Variants in RBFOX1 observed in about 807,000 individuals in gnomAD.
The protein encoded by RBFOX1 is RNA binding protein fox-1 homolog 1.
A neutral mutation model predicts 57.7 loss-of-function variants in RBFOX1; 8 were observed. The ratio of observed to expected loss-of-function variants is 0.14; its 90% confidence interval spans 0.08 to 0.25. RBFOX1 has a LOEUF of 0.25. Among genes scored for constraint, RBFOX1 ranks in the 10% least tolerant of loss-of-function variants. RBFOX1 has a pLI of 1.00. For missense variants in RBFOX1, 611 were observed against 548.5 expected (o/e 1.11, Z -1.14); for synonymous variants, 326 against 222.4 (o/e 1.47, Z -4.15).
intron 1 of RBFOX1, among the ~76,000 whole-genome samples, chr16:5,355,384 C>T (rs767553741): frequency 9.2e-5 from 14 of 152,104 alleles, no homozygotes; most frequent in African/African-American, 2.4e-4. Flanking sequence ...GTGTATGTGC[C>T]GTCCCTCTGT....
At chr16:7,432,082 G>T (rs543477016) in intron 4 of RBFOX1, among the ~76,000 whole-genome samples, 28 of 152,356 alleles carry the variant, frequency 1.8e-4, no homozygotes, top group African/African-American at 6.3e-4. Context: ...AGTGGGGGCA[G>T]ATGGGTCTTC....
chr16:5,402,169 G>A (rs960696385), intron 1 of RBFOX1, among the ~76,000 whole-genome samples: 1 of 152,156 alleles, frequency 6.6e-6, no homozygotes, highest in African/African-American at 2.4e-5. Context: ...GGAGGGTCAT[G>A]TGGAGAGGGA....
intron 3 of RBFOX1, among the ~76,000 whole-genome samples, chr16:6,951,700 C>G (rs62017755): frequency 0.17 from 25,199 of 152,012 alleles, 2,444 homozygotes; most frequent in East Asian, 0.28. Flanking sequence ...CAAATGTCCA[C>G]CCAGATTCAA....
intron 1 of RBFOX1, among the ~76,000 whole-genome samples, chr16:6,309,028 A>G (rs1381677859): frequency 1.3e-5 from 2 of 152,016 alleles, no homozygotes; most frequent in Non-Finnish European, 2.9e-5. Context: ...CTCTCACCCT[A>G]TACCCAGGAA....
chr16:6,991,136 CAAAAAA>C (rs35889519), intron 3 of RBFOX1, among the ~76,000 whole-genome samples: 8 of 53,068 alleles, frequency 1.5e-4, no homozygotes, highest in South Asian at 1.3e-3. Context: ...ATTGTCTCTC[CAAAAAA>C]AAAAAAAAAA....
chr16:6,723,226 C>G (rs886367747), intron 3 of RBFOX1, among the ~76,000 whole-genome samples: 1 of 152,136 alleles, frequency 6.6e-6, no homozygotes. Context: ...TTGTGGCTTT[C>G]CCACTAATAC....
At chr16:6,579,676 C>T (rs1592456) in intron 2 of RBFOX1, among the ~76,000 whole-genome samples, 3,801 of 152,226 alleles carry the variant, frequency 0.025, 181 homozygotes, top group African/African-American at 0.087. Flanking sequence ...TCAGTTATAC[C>T]TCTTTCCTTT....
chr16:7,100,364 A>G (rs2062463855), intron 4 of RBFOX1, among the ~76,000 whole-genome samples: 1 of 151,588 alleles, frequency 6.6e-6, no homozygotes, highest in South Asian at 2.1e-4. Flanking sequence ...GTAGAATCTG[A>G]CTCCCCCCAG....
chr16:7,247,508 C>G (rs140159179), intron 4 of RBFOX1, among the ~76,000 whole-genome samples: 1 of 152,144 alleles, frequency 6.6e-6, no homozygotes, highest in Non-Finnish European at 1.5e-5. Context: ...TTGAGAATTA[C>G]TAATTTTTCT....
chr16:5,644,537 G>C (rs971214987), intron 3 of RBFOX1, among the ~76,000 whole-genome samples: 8 of 152,202 alleles, frequency 5.3e-5, no homozygotes, highest in Non-Finnish European at 1.2e-4. Context: ...CTGACATGAG[G>C]AGTTAGTCTG....
At position 6,288,215 on chromosome 16, in the gene RBFOX1, A is replaced by G. The variant is rs138193959; in HGVS notation, c.-126-28780A>G. Among the ~76,000 whole-genome samples, 1,005 of 139,516 alleles carry G rather than the reference A, an allele frequency of 7.2e-3. 11 individuals are homozygous for G. Among genetic ancestry groups the G allele is most frequent in the African/African-American group, 0.026 (969 of 37,680 alleles). The allele number at this position is 139,516 out of a possible 152,430, so 91.5% of individuals were successfully genotyped here. On this transcript the variant is annotated intron_variant, in intron 1 of 15. Coordinates refer to ENST00000550418, the MANE Select transcript of RBFOX1 (RefSeq NM_018723.4). ...TATGGAGAAAATGTTTGTGGTCAAC[A>G]ATGCTTATCAGAATGGTGTGAACGG...
At chr16:7,002,948 G>C (rs1189015833) in intron 3 of RBFOX1, among the ~76,000 whole-genome samples, 2 of 151,732 alleles carry the variant, frequency 1.3e-5, no homozygotes, top group Non-Finnish European at 1.5e-5. Flanking sequence ...TAAGAATGTA[G>C]GAAAGGCGAT....
chr16:6,193,577 C>T (rs981495801), intron 1 of RBFOX1, among the ~76,000 whole-genome samples: 1 of 150,818 alleles, frequency 6.6e-6, no homozygotes, highest in African/African-American at 2.4e-5. Flanking sequence ...CTAATAGGGG[C>T]TACTTTTAAA....
intron 1 of RBFOX1, among the ~76,000 whole-genome samples, chr16:6,154,577 T>G (rs1190309453): frequency 6.6e-6 from 1 of 152,214 alleles, no homozygotes; most frequent in Non-Finnish European, 1.5e-5. Context: ...GGTCTAAATC[T>G]TCTCCCTCTC....
intron 3 of RBFOX1, among the ~76,000 whole-genome samples, chr16:6,990,542 T>C (rs557887509): frequency 2.0e-5 from 3 of 152,124 alleles, no homozygotes; most frequent in Admixed American, 2.0e-4. Context: ...ATAAAAATTC[T>C]GTTAGTATTC....
At chr16:6,472,641 T>C (rs1248485476) in intron 2 of RBFOX1, among the ~76,000 whole-genome samples, 2 of 152,032 alleles carry the variant, frequency 1.3e-5, no homozygotes, top group African/African-American at 2.4e-5. Context: ...TTTTTTTTTT[T>C]TCAATGGAAT....
chr16:6,397,815 G>C (rs1327274246), intron 2 of RBFOX1, among the ~76,000 whole-genome samples: 1 of 152,144 alleles, frequency 6.6e-6, no homozygotes, highest in African/African-American at 2.4e-5. Flanking sequence ...TGAGTAGACT[G>C]TGCTGTGTTA....
intron 1 of RBFOX1, among the ~76,000 whole-genome samples, chr16:5,316,497 C>T (rs1351114146): frequency 6.6e-6 from 1 of 152,200 alleles, no homozygotes; most frequent in East Asian, 1.9e-4. Flanking sequence ...AGAACACCCC[C>T]TCCACAACGA....
intron 1 of RBFOX1, among the ~76,000 whole-genome samples, chr16:6,077,033 C>A (rs115163814): frequency 6.6e-6 from 1 of 152,154 alleles, no homozygotes; most frequent in Admixed American, 6.5e-5. Context: ...GCAGATGAAG[C>A]GCTCGGCAAA....
Sources: allele counts gnomAD v4.1 joint callset (sites outside exome capture counted in the v4.1 genomes callset), GRCh38; gene constraint gnomAD v4.1.1; transcripts MANE v1.5; gene names NCBI Gene and HGNC (gene_info 2026-07-23, HGNC 2026-07-21).